YAP1: variants seen among roughly 807,000 people sequenced by gnomAD.
YAP1 encodes the protein transcriptional coactivator YAP1.
In YAP1, 5 loss-of-function variants were observed where a neutral mutation model predicts 56.9. The observed-to-expected ratio is 0.09, with a 90% CI of 0.05 to 0.18. YAP1 has a LOEUF of 0.18. Among genes scored for constraint, YAP1 ranks in the 10% least tolerant of loss-of-function variants. YAP1 has a pLI of 1.00. For missense variants in YAP1, 539 were observed against 651.8 expected, an observed-to-expected ratio of 0.83 and a Z score of 1.88; for synonymous variants, 265 against 248.1, an observed-to-expected ratio of 1.07 and a Z score of -0.64.
At chr11:102,170,125 C>T (rs980281839) in intron 3 of YAP1, among the ~76,000 whole-genome samples, 58 of 152,132 alleles carry the variant, frequency 3.8e-4, no homozygotes, top group Non-Finnish European at 6.8e-4. Flanking sequence ...AGATGCCACT[C>T]GTGTCAGGGC....
intron 4 of YAP1, among the ~76,000 whole-genome samples, chr11:102,202,114 AATG>A (rs1338384199): frequency 4.6e-5 from 7 of 152,218 alleles, no homozygotes; most frequent in East Asian, 1.9e-4. Flanking sequence ...GTGATTTCAT[AATG>A]ATTTTTTTTC....
chr11:102,144,139 C>T (rs148011225), intron 2 of YAP1, among the ~76,000 whole-genome samples: 1 of 152,214 alleles, frequency 6.6e-6, no homozygotes, highest in Non-Finnish European at 1.5e-5. Context: ...TGATTGAGCA[C>T]TGAAAGTAGT....
chr11:102,155,019 C>G (rs950028023), intron 2 of YAP1, among the ~76,000 whole-genome samples: 1 of 152,114 alleles, frequency 6.6e-6, no homozygotes, highest in Non-Finnish European at 1.5e-5. Flanking sequence ...AGTATTTGTT[C>G]CTGTTTAATG....
At chr11:102,164,159 T>G (rs1946460088) in intron 3 of YAP1, among the ~76,000 whole-genome samples, 1 of 151,886 alleles carries the variant, frequency 6.6e-6, no homozygotes, top group East Asian at 1.9e-4. Context: ...CGCCTCAGCC[T>G]CCCGAGCTGG....
intron 2 of YAP1, among the ~76,000 whole-genome samples, chr11:102,131,301 T>G (rs190853551): frequency 6.6e-6 from 1 of 152,330 alleles, no homozygotes; most frequent in Admixed American, 6.5e-5. Context: ...TTTGATCTCT[T>G]GATTTTATAA....
chr11:102,185,915 T>C, intron 3 of YAP1, 103 bp from the exon 4 acceptor site: 2 of 1,158,404 alleles, frequency 1.7e-6, no homozygotes, highest in South Asian at 3.3e-5. Context: ...ATGAATTGTT[T>C]TATGTTAAGA....
In YAP1 at chr11:102,110,712, C is replaced by T. The variant is rs1034984539; in HGVS notation, c.-137C>T. ...GATGCGGGGCCGCGGCGCAGCCCCC[C>T]GGCCCTGAGAGCGAGGACAGCGCCG... On this transcript the variant is annotated 5_prime_UTR_variant, in exon 1 of 9. Transcript: ENST00000282441. 5 of 737,576 alleles carry T rather than the reference C, an allele frequency of 6.8e-6. No homozygotes were observed. In the South Asian group the frequency reaches 2.0e-4, roughly 29 times the overall value. The allele number at this position is 737,576 out of a possible 1,614,324, so 45.7% of individuals were successfully genotyped here.
chr11:102,176,768 AAAAAAAAAG>A lies in YAP1; in HGVS notation c.689-9248_689-9240del, dbSNP rs1402169670. Among the ~76,000 whole-genome samples, 62 of 146,200 alleles carry A rather than the reference AAAAAAAAAG, an allele frequency of 4.2e-4. 1 individual carries two copies. The highest frequency in any genetic ancestry group is 2.6e-4 in the African/African-American group (10 of 37,850). ...CTCAAAAAAAAAAAAAAAAAAAAAA[AAAAAAAAAG>A]AGTAGAATTTCAGTGGGTTGAAAAC... is the stretch of plus-strand genomic sequence containing the variant. On this transcript the variant is annotated intron_variant, in intron 3 of 8. Coordinates refer to ENST00000282441, the MANE Select transcript of YAP1 (RefSeq NM_001130145.3).
intron 2 of YAP1, among the ~76,000 whole-genome samples, chr11:102,125,520 G>T (rs944387235): frequency 2.0e-5 from 3 of 151,692 alleles, no homozygotes; most frequent in Non-Finnish European, 4.4e-5. Flanking sequence ...GGGATTACAG[G>T]CATGCGTCAT....
Position 102,158,857 on chromosome 11 carries a change from T to G in YAP1, c.573-3599T>G, listed in dbSNP as rs916560472. 4.6e-5 allele frequency among the ~76,000 whole-genome samples: 7 copies of G among 152,224 alleles called. 1 individual carries two copies. On this transcript the variant is annotated intron_variant, in intron 2 of 8. Transcript: ENST00000282441. ...TGTTCAGTGTTCCTTAAATAAGGGT[T>G]ATAGATTCAGCATTTGAAAATAAAA... is the stretch of plus-strand genomic sequence containing the variant.
At chr11:102,127,847 C>T (rs117159370) in intron 2 of YAP1, among the ~76,000 whole-genome samples, 4,992 of 152,314 alleles carry the variant, frequency 0.033, 106 homozygotes, top group Middle Eastern at 0.051. Context: ...CATGGGAATC[C>T]ATCTCTTGTA....
At chr11:102,154,370 T>G (rs1330806816) in intron 2 of YAP1, among the ~76,000 whole-genome samples, 1 of 152,142 alleles carries the variant, frequency 6.6e-6, no homozygotes, top group Non-Finnish European at 1.5e-5. Context: ...TAATCTGTAT[T>G]TGTAATTTGG....
intron 1 of YAP1, chr11:102,112,728 C>A: frequency 1.0e-6 from 1 of 985,382 alleles, no homozygotes; most frequent in Non-Finnish European, 1.2e-6. Flanking sequence ...CTTGCCTAAA[C>A]ACTTCAATTT....
In YAP1 at chr11:102,110,859, G is replaced by A. The variant is rs867829919; in HGVS notation, c.11G>A (p.Gly4Glu). ...GGGGAGGCAGAAGCCATGGATCCCGGGCAGCAGCCGCCGCCTCAACCGGCC... is the reference window on the plus strand; with the variant it reads ...GGGGAGGCAGAAGCCATGGATCCCGAGCAGCAGCCGCCGCCTCAACCGGCC... MDPGQQPPPQPAPQ... is the reference protein window; with the variant it reads MDPEQQPPPQPAPQ... The change falls in exon 1 of 9, where the codon GGG (glycine) becomes GAG (glutamate). Residue 4 changes from glycine to glutamate, a missense_variant. Physicochemically the swap from Gly to Glu is moderately conservative, Grantham distance 98. Transcript: ENST00000282441. The A allele has an allele frequency of 2.1e-6, 3 of 1,413,360 alleles. No homozygotes were observed. The highest frequency in any genetic ancestry group is 1.5e-5 in the African/African-American group (1 of 66,796). The allele number at this position is 1,413,360 out of a possible 1,614,324, so 87.6% of individuals were successfully genotyped here.
intron 2 of YAP1, among the ~76,000 whole-genome samples, chr11:102,161,790 T>G (rs1177869399): frequency 6.6e-6 from 1 of 152,208 alleles, no homozygotes; most frequent in Non-Finnish European, 1.5e-5. Flanking sequence ...TTCATGGTAT[T>G]TAGCTGTTTT....
At chr11:102,202,696 G>A (rs1728453405) in intron 4 of YAP1, among the ~76,000 whole-genome samples, 1 of 152,056 alleles carries the variant, frequency 6.6e-6, no homozygotes, top group Admixed American at 6.6e-5. Context: ...CCATCATTTT[G>A]TAACCTCTAA....
chr11:102,195,669 CCTG>C lies in YAP1; in HGVS notation c.802+9543_802+9545del, dbSNP rs539545786. 4.6e-3 allele frequency among the ~76,000 whole-genome samples: 697 copies of C among 152,306 alleles called. 21 individuals carry two copies. The highest frequency in any genetic ancestry group is 7.5e-4 in the Non-Finnish European group (51 of 68,024). ...TCCCTGAGCACTGATTCTTCTCTCT[CCTG>C]CTGCCATGTGAAGGAGTACATGTTT... On this transcript the variant is annotated intron_variant, in intron 4 of 8. Coordinates refer to ENST00000282441, the MANE Select transcript of YAP1 (RefSeq NM_001130145.3).
At chr11:102,126,468 G>C (rs2135199222) in intron 2 of YAP1, among the ~76,000 whole-genome samples, 1 of 152,250 alleles carries the variant, frequency 6.6e-6, no homozygotes, top group South Asian at 2.1e-4. Context: ...GAGATCTAAT[G>C]GGTTTATCAG....
chr11:102,141,381 G>A (rs1055032077), intron 2 of YAP1, among the ~76,000 whole-genome samples: 3 of 152,220 alleles, frequency 2.0e-5, no homozygotes, highest in African/African-American at 7.2e-5. Context: ...TCAGCACCAT[G>A]CTCAGAGGTA....
Sources: gnomAD v4.1 joint callset for allele counts (sites outside exome capture counted in the v4.1 genomes callset) on GRCh38, gnomAD v4.1.1 for gene constraint, MANE v1.5 for transcripts, NCBI Gene and HGNC (gene_info 2026-07-23, HGNC 2026-07-21) for gene names.